Variants in TAFA5 observed in about 807,000 individuals in gnomAD.
TAFA5 encodes chemokine-like protein TAFA-5.
TAFA5 carries 6 observed loss-of-function variants against 15.3 expected under a neutral mutation model. The observed-to-expected ratio is 0.39, with a 90% CI of 0.21 to 0.77. TAFA5 has a LOEUF of 0.77. Ranked by LOEUF, TAFA5 falls within the 30% of genes least tolerant of loss-of-function variation. TAFA5 has a pLI of 0.41. For synonymous variants in TAFA5, 103 were observed against 80.7 expected, an observed-to-expected ratio of 1.28 and a Z score of -1.48; for missense variants, 161 against 193.1, an observed-to-expected ratio of 0.83 and a Z score of 0.98.
intron 2 of TAFA5, among the ~76,000 whole-genome samples, chr22:48,689,921 A>C (rs1022671436): frequency 3.9e-5 from 6 of 152,162 alleles, no homozygotes; most frequent in African/African-American, 1.4e-4. Flanking sequence ...CCCAGGAGCC[A>C]GTCCCTCCAG....
chr22:48,732,880 C>CTCT (rs1374822954), intron 3 of TAFA5, among the ~76,000 whole-genome samples: 1 of 152,186 alleles, frequency 6.6e-6, no homozygotes, highest in Non-Finnish European at 1.5e-5. Flanking sequence ...CGCGGCAAGA[C>CTCT]CCTCCACCAG....
intron 2 of TAFA5, among the ~76,000 whole-genome samples, chr22:48,694,148 C>T (rs533595404): frequency 2.4e-4 from 37 of 152,302 alleles, no homozygotes; most frequent in Admixed American, 4.6e-4. Context: ...GTGTCCTCTT[C>T]TGTAATGTGA....
At position 48,705,969 on chromosome 22, in the gene TAFA5, A is replaced by G. The variant is rs550958223; in HGVS notation, c.263-1748A>G. ...AAAAAAGGAAAAGAGGTGACATGGA[A>G]TAGAAAACCCAGGAGAGAGGAGGAA... On this transcript the variant is annotated intron_variant, in intron 2 of 3. Coordinates refer to ENST00000402357, the MANE Select transcript of TAFA5 (RefSeq NM_001082967.3). 3.3e-3 allele frequency among the ~76,000 whole-genome samples: 507 copies of G among 152,342 alleles called. 2 individuals carry two copies. The highest frequency in any genetic ancestry group is 0.011 in the African/African-American group (472 of 41,578).
At position 48,680,632 on chromosome 22, in the gene TAFA5, C is replaced by G. The variant is rs1601666906; in HGVS notation, c.263-27085C>G. ...GCCTCCCAAAATTTGCCCACCACGACTGGGCACTGACAGCCAGTGTGCCAG... is the reference window on the plus strand; with the variant it reads ...GCCTCCCAAAATTTGCCCACCACGAGTGGGCACTGACAGCCAGTGTGCCAG... On this transcript the variant is annotated intron_variant, in intron 2 of 3. Coordinates refer to ENST00000402357, the MANE Select transcript of TAFA5 (RefSeq NM_001082967.3). 2.0e-5 allele frequency among the ~76,000 whole-genome samples: 3 copies of G among 152,224 alleles called. No homozygotes were observed. In the South Asian group the frequency reaches 6.2e-4, roughly 32 times the overall value.
rs1352034947 is a variant in TAFA5 at position 48,736,176 on chromosome 22, C to A, written c.391-13663C>A. 2.7e-5 allele frequency among the ~76,000 whole-genome samples: 3 copies of A among 111,430 alleles called. No homozygotes were observed. The East Asian group carries it at 7.2e-4, about 27-fold the overall frequency. The allele number at this position is 111,430 out of a possible 152,430, so 73.1% of individuals were successfully genotyped here. On this transcript the variant is annotated intron_variant, in intron 3 of 3. Coordinates refer to ENST00000402357, the MANE Select transcript of TAFA5 (RefSeq NM_001082967.3). ...TCCTAGAGTCCAGAGTCCATACCCC[C>A]CAGGAGGAATGAGAATCACACTCCT...
intron 1 of TAFA5, among the ~76,000 whole-genome samples, chr22:48,590,335 A>G (rs1924518907): frequency 6.6e-6 from 1 of 152,196 alleles, no homozygotes; most frequent in Non-Finnish European, 1.5e-5. Flanking sequence ...GGCCTGCAAG[A>G]TGGTTTTATG....
At position 48,742,143 on chromosome 22, in the gene TAFA5, C is replaced by T. The variant is rs1265091852; in HGVS notation, c.391-7696C>T. ...GGGTCTGGCTGCACCGGCTCCCCTGCCCAACCCCACAGGCCCCCTCATCCT... is the reference window on the plus strand; with the variant it reads ...GGGTCTGGCTGCACCGGCTCCCCTGTCCAACCCCACAGGCCCCCTCATCCT... On this transcript the variant is annotated intron_variant, in intron 3 of 3. Coordinates refer to ENST00000402357, the MANE Select transcript of TAFA5 (RefSeq NM_001082967.3). This position sits in a 1 kb window ranked among gnomAD's most constrained non-coding sequence, Gnocchi z 6.2. Among the ~76,000 whole-genome samples the T allele has an allele frequency of 6.6e-6, 1 of 151,972 alleles. No individual in the cohort carries two copies. Among genetic ancestry groups the T allele is most frequent in the Non-Finnish European group, 1.5e-5 (1 of 67,984 alleles).
At chr22:48,663,719 C>G (rs78444151) in intron 2 of TAFA5, among the ~76,000 whole-genome samples, 1,802 of 152,318 alleles carry the variant, frequency 0.012, 40 homozygotes, top group African/African-American at 0.042. Flanking sequence ...TTTGTCCCAT[C>G]CGGTCCATGA....
At chr22:48,698,183 T>G (rs992905785) in intron 2 of TAFA5, among the ~76,000 whole-genome samples, 1 of 149,912 alleles carries the variant, frequency 6.7e-6, no homozygotes, top group African/African-American at 2.4e-5. Flanking sequence ...ATGATGGTGG[T>G]GATGATGATG....
Position 48,616,323 on chromosome 22 carries a change from C to G in TAFA5, c.113-30274C>G, listed in dbSNP as rs1181152108. On this transcript the variant is annotated intron_variant, in intron 1 of 3. Transcript: ENST00000402357. ...TGATTTTCTAAAATTCGAGCATTTT[C>G]TGGTCGAGGCCTGATGAGCCTGAAG... 2.6e-5 allele frequency among the ~76,000 whole-genome samples: 4 copies of G among 152,248 alleles called. No homozygotes were observed. In the East Asian group the frequency reaches 7.7e-4, roughly 29 times the overall value.
intron 1 of TAFA5, among the ~76,000 whole-genome samples, chr22:48,519,803 G>A (rs1450812397): frequency 6.6e-6 from 1 of 152,180 alleles, no homozygotes; most frequent in African/African-American, 2.4e-5. Context: ...GCCCATCCCA[G>A]TCATGGCTGC....
In TAFA5 at chr22:48,550,686, C is replaced by G. The variant is rs1181726162; in HGVS notation, c.112+60982C>G. On this transcript the variant is annotated intron_variant, in intron 1 of 3. Transcript: ENST00000402357. The surrounding 1 kb of genome is among the most constrained non-coding windows in gnomAD (Gnocchi z 4.1). ...TGCGGCTCCAAGGTGAGGTGGCTTG[C>G]CTGGGACCACACAGTGGTTGGGTGT... Among the ~76,000 whole-genome samples the G allele has an allele frequency of 6.6e-6, 1 of 152,130 alleles. No homozygotes were observed. The highest frequency in any genetic ancestry group is 1.5e-5 in the Non-Finnish European group (1 of 68,024).
At chr22:48,671,068 G>A (rs1331555065) in intron 2 of TAFA5, among the ~76,000 whole-genome samples, 1 of 152,194 alleles carries the variant, frequency 6.6e-6, no homozygotes, top group Non-Finnish European at 1.5e-5. Context: ...ACACCAAGAT[G>A]GGAGGAATAG....
intron 2 of TAFA5, among the ~76,000 whole-genome samples, chr22:48,657,448 C>T (rs140329899): frequency 8.3e-4 from 126 of 152,234 alleles, no homozygotes; most frequent in Middle Eastern, 3.4e-3. Context: ...GGTCCAAACG[C>T]TTAAAGAAAA....
chr22:48,549,983 A>C (rs1169875338), intron 1 of TAFA5, among the ~76,000 whole-genome samples: 5 of 152,228 alleles, frequency 3.3e-5, no homozygotes, highest in Admixed American at 3.3e-4. Flanking sequence ...CTCATCCCTG[A>C]GGCCACCCTG....
chr22:48,558,702 GC>G (rs1923123773), intron 1 of TAFA5, among the ~76,000 whole-genome samples: 1 of 152,228 alleles, frequency 6.6e-6, no homozygotes, highest in Non-Finnish European at 1.5e-5. Flanking sequence ...TGGTCCAGGG[GC>G]TGTAGACCAG....
At chr22:48,636,305 A>G (rs1926443834) in intron 1 of TAFA5, among the ~76,000 whole-genome samples, 1 of 152,228 alleles carries the variant, frequency 6.6e-6, no homozygotes, top group Admixed American at 6.5e-5. Flanking sequence ...GGCTTCCATG[A>G]TCTCCTCGCA....
chr22:48,563,652 A>G (rs1297544410), intron 1 of TAFA5, among the ~76,000 whole-genome samples: 1 of 152,136 alleles, frequency 6.6e-6, no homozygotes, highest in Non-Finnish European at 1.5e-5. Flanking sequence ...CTGCACCCCA[A>G]CAGGCTGGGG....
intron 3 of TAFA5, among the ~76,000 whole-genome samples, chr22:48,743,203 C>T (rs1242815902): frequency 2.6e-5 from 4 of 152,176 alleles, no homozygotes; most frequent in Admixed American, 2.0e-4. Flanking sequence ...CTCCCTGCCT[C>T]CTCCTGCCAT....
Sources: gnomAD v4.1 joint callset for allele counts (sites outside exome capture counted in the v4.1 genomes callset) on GRCh38, gnomAD v4.1.1 for gene constraint, Gnocchi (gnomAD v3.1) non-coding constraint, MANE v1.5 for transcripts, NCBI Gene and HGNC (gene_info 2026-07-23, HGNC 2026-07-21) for gene names.